Variants in UNC5D observed in about 807,000 individuals in gnomAD.
UNC5D encodes unc-5 netrin receptor D, also known as netrin receptor UNC5D.
A neutral mutation model predicts 105.4 loss-of-function variants in UNC5D; 39 were observed. The ratio of observed to expected loss-of-function variants is 0.37; its 90% CI spans 0.29 to 0.48. The LOEUF is 0.48. UNC5D is among the 20% of genes least tolerant of loss of function. UNC5D has a pLI of 0.98. For missense variants in UNC5D, 991 were observed against 1,202.4 expected, an observed-to-expected ratio of 0.82 and a Z score of 2.60; for synonymous variants, 452 against 450.4, an observed-to-expected ratio of 1.00 and a Z score of -0.04.
intron 1 of UNC5D, among the ~76,000 whole-genome samples, chr8:35,246,224 T>G (rs890500797): frequency 2.0e-5 from 3 of 152,180 alleles, no homozygotes; most frequent in African/African-American, 7.2e-5. Flanking sequence ...TACCGTTTAT[T>G]CACATTATTT....
chr8:35,549,569 A>G, intron 2 of UNC5D, 59 bp downstream of exon 2: 3 of 1,515,672 alleles, frequency 2.0e-6, no homozygotes, highest in South Asian at 1.2e-5. Flanking sequence ...TCCTGTGGTT[A>G]TATCTCTGGG....
intron 2 of UNC5D, among the ~76,000 whole-genome samples, chr8:35,567,454 A>C (rs905968579): frequency 1.3e-5 from 2 of 152,154 alleles, no homozygotes; most frequent in African/African-American, 4.8e-5. Context: ...CAGAAATTCC[A>C]GACCAGCCTG....
chr8:35,495,134 A>G (rs990628560), intron 1 of UNC5D, among the ~76,000 whole-genome samples: 3 of 152,150 alleles, frequency 2.0e-5, no homozygotes, highest in Non-Finnish European at 4.4e-5. Flanking sequence ...TTGCCAAGCA[A>G]TGGTTGGAAG....
intron 1 of UNC5D, among the ~76,000 whole-genome samples, chr8:35,343,320 G>A (rs574862922): frequency 3.3e-5 from 5 of 151,982 alleles, no homozygotes; most frequent in African/African-American, 4.8e-5. Context: ...TCTTGTTCTT[G>A]TTGCTTGAGA....
chr8:35,360,187 A>T (rs555985239), intron 1 of UNC5D, among the ~76,000 whole-genome samples: 60 of 152,240 alleles, frequency 3.9e-4, no homozygotes, highest in African/African-American at 1.4e-3. Context: ...TCTGCAGCTC[A>T]TTTATCAAGC....
At chr8:35,669,330 G>C (rs1257186236) in intron 4 of UNC5D, among the ~76,000 whole-genome samples, 3 of 151,600 alleles carry the variant, frequency 2.0e-5, no homozygotes, top group Admixed American at 1.3e-4. Context: ...TTGATTTTCA[G>C]GGTGCTCTTT....
intron 1 of UNC5D, among the ~76,000 whole-genome samples, chr8:35,271,862 G>C (rs1348523907): frequency 6.6e-6 from 1 of 151,810 alleles, no homozygotes; most frequent in African/African-American, 2.4e-5. Flanking sequence ...TCCCCTCATG[G>C]AGCTTCCATT....
intron 1 of UNC5D, among the ~76,000 whole-genome samples, chr8:35,265,416 C>A (rs926926742): frequency 3.3e-5 from 5 of 152,002 alleles, no homozygotes; most frequent in African/African-American, 1.2e-4. Flanking sequence ...CATGTCAATT[C>A]TGCTGGGAAA....
chr8:35,594,002 C>G (rs1819338939), intron 3 of UNC5D, among the ~76,000 whole-genome samples: 1 of 152,160 alleles, frequency 6.6e-6, no homozygotes, highest in Admixed American at 6.5e-5. Flanking sequence ...GTTTTGTTAT[C>G]AGGTATGTGA....
chr8:35,350,654 C>T (rs1037148315), intron 1 of UNC5D, among the ~76,000 whole-genome samples: 2 of 151,974 alleles, frequency 1.3e-5, no homozygotes, highest in African/African-American at 4.8e-5. Flanking sequence ...TTATTTTTGG[C>T]ATAATAATTT....
chr8:35,619,742 T>C (rs1408278663), intron 4 of UNC5D, among the ~76,000 whole-genome samples: 1 of 152,220 alleles, frequency 6.6e-6, no homozygotes, highest in East Asian at 1.9e-4. Context: ...ATCTTAAGAA[T>C]CAGTAACTCT....
chr8:35,397,201 C>CAGCCCA (rs1804163221), intron 1 of UNC5D, among the ~76,000 whole-genome samples: 1 of 152,178 alleles, frequency 6.6e-6, no homozygotes, highest in African/African-American at 2.4e-5. Flanking sequence ...CCACCACGCC[C>CAGCCCA]AGCCCAAGCC....
chr8:35,235,947 A>G, intron 1 of UNC5D, 60 bp downstream of exon 1: 2 of 1,202,646 alleles, frequency 1.7e-6, no homozygotes, highest in Non-Finnish European at 2.1e-6. Context: ...AGCCTGACGG[A>G]GCGGGACCTG....
intron 1 of UNC5D, among the ~76,000 whole-genome samples, chr8:35,369,004 T>C (rs758822669): frequency 1.3e-5 from 2 of 152,234 alleles, no homozygotes; most frequent in Non-Finnish European, 2.9e-5. Flanking sequence ...CATGTTGTTA[T>C]GGCAGTCTGA....
At chr8:35,555,388 C>T (rs1816468864) in intron 2 of UNC5D, among the ~76,000 whole-genome samples, 1 of 152,198 alleles carries the variant, frequency 6.6e-6, no homozygotes, top group African/African-American at 2.4e-5. Flanking sequence ...TATTTACTCT[C>T]ATCCATCCTT....
intron 8 of UNC5D, among the ~76,000 whole-genome samples, chr8:35,717,035 C>T (rs771916966): frequency 6.6e-6 from 1 of 152,158 alleles, no homozygotes; most frequent in Non-Finnish European, 1.5e-5. Flanking sequence ...GGCTGGTTGC[C>T]TCGTTTTCTG....
chr8:35,597,844 C>T (rs1819583386), intron 4 of UNC5D, among the ~76,000 whole-genome samples: 1 of 152,156 alleles, frequency 6.6e-6, no homozygotes, highest in African/African-American at 2.4e-5. Context: ...TCCTGCAAAG[C>T]TACTCCAAAG....
intron 1 of UNC5D, among the ~76,000 whole-genome samples, chr8:35,325,140 T>C (rs554967819): frequency 2.6e-5 from 4 of 152,208 alleles, no homozygotes; most frequent in African/African-American, 9.6e-5. Context: ...ATAAGCAGAA[T>C]TCAGAGGGAA....
intron 4 of UNC5D, among the ~76,000 whole-genome samples, chr8:35,637,748 G>A (rs1470493976): frequency 6.6e-6 from 1 of 152,080 alleles, no homozygotes; most frequent in African/African-American, 2.4e-5. Context: ...AAATCAAAAG[G>A]AAAAATAAAA....
Sources: gnomAD v4.1 joint callset for allele counts (sites outside exome capture counted in the v4.1 genomes callset) on GRCh38, gnomAD v4.1.1 for gene constraint, MANE v1.5 for transcripts, NCBI Gene and HGNC (gene_info 2026-07-23, HGNC 2026-07-21) for gene names.